Variants in RBMS3 observed in about 807,000 individuals in gnomAD.
RBMS3 encodes RNA-binding motif, single-stranded-interacting protein 3.
A neutral mutation model predicts 66.8 loss-of-function variants in RBMS3; 27 were observed. The observed-to-expected ratio is 0.40, with a 90% CI of 0.30 to 0.56. The LOEUF is 0.56. RBMS3 is among the 20% of genes least tolerant of loss of function. RBMS3 has a pLI of 0.40. For missense variants in RBMS3, 513 were observed against 549.5 expected, an observed-to-expected ratio of 0.93 and a Z score of 0.66; for synonymous variants, 188 against 183.0, an observed-to-expected ratio of 1.03 and a Z score of -0.22.
intron 1 of RBMS3, among the ~76,000 whole-genome samples, chr3:29,359,082 T>C (rs556097341): frequency 1.3e-5 from 2 of 152,318 alleles, no homozygotes; most frequent in South Asian, 2.1e-4. Context: ...TCCAACACTA[T>C]GTTGAATAGG....
At chr3:29,691,695 G>A (rs1304375518) in intron 4 of RBMS3, among the ~76,000 whole-genome samples, 4 of 152,050 alleles carry the variant, frequency 2.6e-5, no homozygotes, top group African/African-American at 9.7e-5. Context: ...CAAGCACCAG[G>A]TTCAATTTTT....
chr3:29,676,003 T>A (rs1032230933), intron 4 of RBMS3, among the ~76,000 whole-genome samples: 4 of 152,158 alleles, frequency 2.6e-5, no homozygotes, highest in African/African-American at 4.8e-5. Context: ...CTATTCACAA[T>A]AGCAAAGACT....
chr3:29,500,060 G>A (rs893741788), intron 3 of RBMS3, among the ~76,000 whole-genome samples: 2 of 143,400 alleles, frequency 1.4e-5, no homozygotes, highest in South Asian at 2.2e-4. Context: ...CAATGAGAAG[G>A]ATTTTCTTTT....
At position 29,359,181 on chromosome 3, in the gene RBMS3, G is replaced by A. The variant is rs572529857; in HGVS notation, c.76-75562G>A. 2.8e-3 allele frequency among the ~76,000 whole-genome samples: 432 copies of A among 152,188 alleles called. 1 individual carries two copies. The highest frequency in any genetic ancestry group is 0.01 in the Middle Eastern group (3 of 294). On this transcript the variant is annotated intron_variant, in intron 1 of 14. Coordinates refer to ENST00000383767, the MANE Select transcript of RBMS3 (RefSeq NM_001003793.3). ...CCATTCAGTATGATATTGGCTGCGGGTTTGTCATAAATAGCTCTTATTATT... is the reference window on the plus strand; with the variant it reads ...CCATTCAGTATGATATTGGCTGCGGATTTGTCATAAATAGCTCTTATTATT...
intron 4 of RBMS3, among the ~76,000 whole-genome samples, chr3:29,674,880 C>T (rs1372392210): frequency 2.6e-5 from 4 of 152,036 alleles, no homozygotes; most frequent in Non-Finnish European, 1.5e-5. Context: ...CAATTACTTT[C>T]TTCACAGAAT....
At position 29,488,372 on chromosome 3, in the gene RBMS3, C is replaced by G. The variant is rs2043400881; in HGVS notation, c.249-69C>G. 2.2e-6 allele frequency: 3 copies of G among 1,349,440 alleles called. No homozygotes were observed. In the Admixed American group the frequency reaches 5.1e-5, roughly 23 times the overall value. 83.6% of individuals were successfully genotyped at this position (1,349,440 alleles called of 1,614,324 possible). A position where few individuals can be genotyped will look rare whatever the true frequency, so the allele number is the denominator to read the frequency against. On this transcript the variant is annotated intron_variant, in intron 2 of 14. Coordinates refer to ENST00000383767, the MANE Select transcript of RBMS3 (RefSeq NM_001003793.3). The stretch of plus-strand genomic sequence containing the variant: ...GCTCAGTTGTGTGTGCCCCGATGTT[C>G]ATTAGAGTGTTTTAAGTGTCTTCAA...
chr3:29,638,654 G>T (rs1482914649), intron 4 of RBMS3, among the ~76,000 whole-genome samples: 3 of 151,776 alleles, frequency 2.0e-5, no homozygotes, highest in Non-Finnish European at 4.4e-5. Context: ...ATCCTGAAAT[G>T]CTCAGTTGCA....
At chr3:29,697,070 C>T in intron 4 of RBMS3, 1 of 985,260 alleles carries the variant, frequency 1.0e-6, no homozygotes, top group Non-Finnish European at 1.2e-6. Context: ...AATGCAGGGC[C>T]TGTGTGCTCA....
chr3:29,540,721 A>G (rs2045724716), intron 3 of RBMS3, among the ~76,000 whole-genome samples: 1 of 152,138 alleles, frequency 6.6e-6, no homozygotes, highest in Non-Finnish European at 1.5e-5. Context: ...GATTGCACCC[A>G]GGCTGTGTGG....
At chr3:29,862,190 A>G (rs907545229) in intron 6 of RBMS3, among the ~76,000 whole-genome samples, 1 of 152,208 alleles carries the variant, frequency 6.6e-6, no homozygotes, top group Non-Finnish European at 1.5e-5. Flanking sequence ...ACATACACAG[A>G]AATCACCTGG....
intron 6 of RBMS3, among the ~76,000 whole-genome samples, chr3:29,851,423 G>C (rs966701217): frequency 1.3e-5 from 2 of 152,086 alleles, no homozygotes; most frequent in Non-Finnish European, 2.9e-5. Flanking sequence ...TTATATACTG[G>C]TTCTGACACT....
chr3:29,460,888 G>A (rs936090765), intron 2 of RBMS3, among the ~76,000 whole-genome samples: 15 of 152,156 alleles, frequency 9.9e-5, no homozygotes, highest in Admixed American at 6.5e-4. Flanking sequence ...TGACCTCAGA[G>A]AGAGTATGAC....
At position 29,882,512 on chromosome 3, in the gene RBMS3, G is replaced by C. The variant is rs574154363; in HGVS notation, c.745-1650G>C. ...AACTTCTGACAGTCATTTCAATTCT[G>C]TTTGCAAACTCCGTTTCAATTTATG... On this transcript the variant is annotated intron_variant, in intron 7 of 14. Coordinates refer to ENST00000383767, the MANE Select transcript of RBMS3 (RefSeq NM_001003793.3). Among the ~76,000 whole-genome samples the C allele has an allele frequency of 2.2e-4, 34 of 152,042 alleles. 3 individuals carry two copies. Among genetic ancestry groups the C allele is most frequent in the African/African-American group, 8.2e-4 (34 of 41,496 alleles).
At chr3:29,924,357 T>G (rs766964837) in intron 10 of RBMS3, among the ~76,000 whole-genome samples, 5 of 152,176 alleles carry the variant, frequency 3.3e-5, no homozygotes, top group African/African-American at 7.2e-5. Context: ...GTAGGAAATG[T>G]TTTTAGAAGG....
chr3:29,704,821 C>A (rs1018458136), intron 4 of RBMS3, among the ~76,000 whole-genome samples: 1 of 152,076 alleles, frequency 6.6e-6, no homozygotes, highest in Non-Finnish European at 1.5e-5. Flanking sequence ...TGTTATTGAA[C>A]TTTGTTTCAA....
intron 4 of RBMS3, among the ~76,000 whole-genome samples, chr3:29,613,963 A>G (rs1035784273): frequency 1.3e-5 from 2 of 152,134 alleles, no homozygotes; most frequent in East Asian, 1.9e-4. Flanking sequence ...TGATCCAGCA[A>G]TCCCGCTGCT....
intron 6 of RBMS3, among the ~76,000 whole-genome samples, chr3:29,793,574 A>C (rs2057085040): frequency 6.6e-6 from 1 of 152,192 alleles, no homozygotes; most frequent in South Asian, 2.1e-4. Flanking sequence ...AATGTATTCT[A>C]TTTTGAAGAG....
chr3:29,390,368 TA>T (rs149934157), intron 1 of RBMS3, among the ~76,000 whole-genome samples: 3,842 of 152,264 alleles, frequency 0.025, 68 homozygotes, highest in East Asian at 0.039. Flanking sequence ...TTTAAAGAGA[TA>T]TTTTATTATT....
At chr3:29,371,174 C>G (rs1269609195) in intron 1 of RBMS3, among the ~76,000 whole-genome samples, 1 of 152,208 alleles carries the variant, frequency 6.6e-6, no homozygotes, top group East Asian at 1.9e-4. Flanking sequence ...AAGCTGTTCA[C>G]TCATACCTGT....
Sources: allele counts gnomAD v4.1 joint callset (sites outside exome capture counted in the v4.1 genomes callset), GRCh38; gene constraint gnomAD v4.1.1; transcripts MANE v1.5; gene names NCBI Gene and HGNC (gene_info 2026-07-23, HGNC 2026-07-21).